MAGI2: variants seen among roughly 807,000 people sequenced by gnomAD.
The protein encoded by MAGI2 is membrane associated guanylate kinase, WW and PDZ domain containing 2.
A neutral mutation model predicts 133.3 loss-of-function variants in MAGI2; 35 were observed. The observed-to-expected ratio is 0.26, with a 90% CI of 0.20 to 0.35. The LOEUF is 0.35. MAGI2 is among the 10% of genes least tolerant of loss of function. The probability of loss-of-function intolerance (pLI) is 1.00; values close to 1 mark genes in which losing one functional copy is unlikely to be tolerated. For synonymous variants in MAGI2, 729 were observed against 710.6 expected (o/e 1.03, Z -0.41); for missense variants, 1,636 against 1,863.4 (o/e 0.88, Z 2.25).
At chr7:78,643,349 C>T (rs1335836413) in intron 2 of MAGI2, among the ~76,000 whole-genome samples, 1 of 151,988 alleles carries the variant, frequency 6.6e-6, no homozygotes, top group African/African-American at 2.4e-5. Flanking sequence ...AATACAAGTG[C>T]TCTGAGCAGA....
chr7:79,047,050 AC>A (rs2116955863), intron 1 of MAGI2, among the ~76,000 whole-genome samples: 1 of 152,324 alleles, frequency 6.6e-6, no homozygotes, highest in South Asian at 2.1e-4. Context: ...TAAAAAGCAG[AC>A]AAAAATTAGA....
At chr7:78,998,426 CT>C (rs1288454539) in intron 2 of MAGI2, among the ~76,000 whole-genome samples, 1 of 152,130 alleles carries the variant, frequency 6.6e-6, no homozygotes, top group African/African-American at 2.4e-5. Flanking sequence ...CCTCCCTCCC[CT>C]GAGTCCTAAA....
intron 1 of MAGI2, among the ~76,000 whole-genome samples, chr7:79,229,373 A>T (rs1211604745): frequency 1.3e-5 from 2 of 152,216 alleles, no homozygotes; most frequent in African/African-American, 4.8e-5. Flanking sequence ...CAGTGAAAAT[A>T]AGGAATACAG....
chr7:78,310,596 T>C (rs1798619897), intron 9 of MAGI2, among the ~76,000 whole-genome samples: 1 of 152,146 alleles, frequency 6.6e-6, no homozygotes, highest in South Asian at 2.1e-4. Flanking sequence ...AAGACCTTGT[T>C]TGGTTGGAGT....
chr7:78,868,596 T>A (rs904201037), intron 2 of MAGI2, among the ~76,000 whole-genome samples: 5 of 152,172 alleles, frequency 3.3e-5, no homozygotes, highest in Non-Finnish European at 7.3e-5. Context: ...ATGATGAGAT[T>A]AGCAAACATT....
At chr7:79,073,479 C>T (rs953312507) in intron 1 of MAGI2, among the ~76,000 whole-genome samples, 18 of 151,992 alleles carry the variant, frequency 1.2e-4, no homozygotes, top group African/African-American at 4.3e-4. Flanking sequence ...ATGTTCATTC[C>T]CTTGAAGACT....
chr7:78,194,894 C>T lies in MAGI2; in HGVS notation c.2249G>A (p.Arg750Lys). 1 of 1,607,230 alleles carries T rather than the reference C, an allele frequency of 6.2e-7. No individual in the cohort carries two copies. The change falls in exon 12 of 22, where the codon AGG becomes AAG. Residue 750 changes from arginine (R) to lysine (K), a missense_variant. This residue lies in a region of MAGI2 where 920 missense variants were observed against 1,093.5 expected (regional missense o/e 0.84). Coordinates refer to ENST00000354212, the MANE Select transcript of MAGI2 (RefSeq NM_012301.4). ...PDPYELYEKSRAIYESRQQVP... is the reference protein window; with the variant it reads ...PDPYELYEKSKAIYESRQQVP... ...CTTACGCCTACTTTCATAAATGGCC[C>T]TAGATTTCTCGTAGAGCTCATATGG...
At chr7:78,896,400 C>A (rs1329943703) in intron 2 of MAGI2, among the ~76,000 whole-genome samples, 1 of 151,836 alleles carries the variant, frequency 6.6e-6, no homozygotes, top group Non-Finnish European at 1.5e-5. Flanking sequence ...ATAAATTAAT[C>A]TGGTCGCTTA....
chr7:78,430,240 CTTTTTT>C (rs545809101), intron 6 of MAGI2, among the ~76,000 whole-genome samples: 2,758 of 76,656 alleles, frequency 0.036, 59 homozygotes, highest in Middle Eastern at 0.064. Flanking sequence ...CTGGAAAAGC[CTTTTTT>C]TTTTTTTTTT....
At chr7:79,139,168 T>C (rs1365454107) in intron 1 of MAGI2, among the ~76,000 whole-genome samples, 1 of 152,046 alleles carries the variant, frequency 6.6e-6, no homozygotes, top group African/African-American at 2.4e-5. Context: ...TAAATTTCAA[T>C]TATTTCAACC....
At position 78,160,223 on chromosome 7, in the gene MAGI2, G is replaced by A; in HGVS notation, c.2647C>T (p.His883Tyr). ...GRSPGSVSTH[H>Y]SSPRSDYATY... Reference sequence around the variant, plus strand: ...GCGTAGTCACTGCGTGGAGAGCTGTGGTGGGTGGATACAGAGCCTGGACTT... The same window carrying A: ...GCGTAGTCACTGCGTGGAGAGCTGTAGTGGGTGGATACAGAGCCTGGACTT... Residue 883 changes from histidine to tyrosine, a missense_variant, in exon 16 of 22, where the codon CAC (histidine) becomes TAC (tyrosine). Physicochemically the swap from His to Tyr is moderately conservative, Grantham distance 83. This residue lies in a region of MAGI2 where 920 missense variants were observed against 1,093.5 expected (regional missense o/e 0.84). Transcript: ENST00000354212. 6.2e-7 allele frequency: 1 copy of A among 1,611,062 alleles called. No homozygotes were observed. The highest frequency in any genetic ancestry group is 8.5e-7 in the Non-Finnish European group (1 of 1,178,442).
chr7:78,645,559 T>C (rs1389537896), intron 2 of MAGI2, among the ~76,000 whole-genome samples: 1 of 152,072 alleles, frequency 6.6e-6, no homozygotes, highest in African/African-American at 2.4e-5. Context: ...AAAACCCAGT[T>C]ATTTTTATGG....
intron 21 of MAGI2, among the ~76,000 whole-genome samples, chr7:78,025,032 A>G (rs1281917988): frequency 1.3e-5 from 2 of 152,174 alleles, no homozygotes; most frequent in Admixed American, 1.3e-4. Flanking sequence ...CTGCTCTTAG[A>G]TCAAAATCCA....
At chr7:79,320,809 C>T (rs1839129106) in intron 1 of MAGI2, among the ~76,000 whole-genome samples, 1 of 152,086 alleles carries the variant, frequency 6.6e-6, no homozygotes, top group South Asian at 2.1e-4. Context: ...GAACTATGCA[C>T]ATCAAAGCCA....
intron 1 of MAGI2, among the ~76,000 whole-genome samples, chr7:79,047,988 G>A (rs761205759): frequency 2.6e-5 from 4 of 152,102 alleles, no homozygotes; most frequent in Non-Finnish European, 4.4e-5. Context: ...TTCCCACTAC[G>A]ATGGCCTATT....
In MAGI2 at chr7:78,719,510, A is replaced by G. The variant is rs113988619; in HGVS notation, c.419-92271T>C. 3.9e-5 allele frequency among the ~76,000 whole-genome samples: 6 copies of G among 152,368 alleles called. 1 individual carries two copies. Among genetic ancestry groups the G allele is most frequent in the African/African-American group, 1.2e-4 (5 of 41,590 alleles). On this transcript the variant is annotated intron_variant, in intron 2 of 21. Transcript: ENST00000354212. The stretch of plus-strand genomic sequence containing the variant: ...CTACTGAAAAAGGAGTGAGTGATAG[A>G]AACCACTACGTTTAAAAAAATCATT...
chr7:78,117,541 G>A lies in MAGI2; in HGVS notation c.3567+8153C>T, dbSNP rs79039678. Reference sequence around the variant, plus strand: ...AGAAAACATCTTTAATCTGTTGAAGGTTATCTATAAAAACCTATTAAACAT... The same window carrying A: ...AGAAAACATCTTTAATCTGTTGAAGATTATCTATAAAAACCTATTAAACAT... On this transcript the variant is annotated intron_variant, in intron 20 of 21. Coordinates refer to ENST00000354212, the MANE Select transcript of MAGI2 (RefSeq NM_012301.4). Among the ~76,000 whole-genome samples the A allele has an allele frequency of 1.9e-3, 283 of 152,006 alleles. 6 individuals carry two copies. The South Asian group carries it at 0.032, about 17-fold the overall frequency.
At chr7:78,090,005 C>T (rs1292424065) in intron 20 of MAGI2, among the ~76,000 whole-genome samples, 1 of 152,288 alleles carries the variant, frequency 6.6e-6, no homozygotes, top group African/African-American at 2.4e-5. Context: ...GTCTGGCCCA[C>T]TTGTACTTCC....
intron 3 of MAGI2, among the ~76,000 whole-genome samples, chr7:78,552,909 T>C (rs1337059224): frequency 1.3e-5 from 2 of 151,522 alleles, no homozygotes; most frequent in African/African-American, 2.4e-5. Flanking sequence ...AGTAAGGTGG[T>C]AGAACGAGAA....
Sources: gnomAD v4.1 joint callset for allele counts (sites outside exome capture counted in the v4.1 genomes callset) on GRCh38, gnomAD v4.1.1 for gene constraint, gnomAD v4.1.1 regional missense constraint, MANE v1.5 for transcripts, NCBI Gene and HGNC (gene_info 2026-07-23, HGNC 2026-07-21) for gene names.